Variants in NFIA observed in about 807,000 individuals in gnomAD.
NFIA encodes nuclear factor 1 A-type.
NFIA carries 8 observed loss-of-function variants against 62.8 expected under a neutral mutation model. The observed-to-expected ratio is 0.13, with a 90% CI of 0.07 to 0.23. NFIA has a LOEUF of 0.23. Ranked by LOEUF, NFIA falls within the 10% of genes least tolerant of loss-of-function variation. The pLI is 1.00. For missense variants in NFIA, 410 were observed against 642.1 expected, an observed-to-expected ratio of 0.64 and a Z score of 3.91; for synonymous variants, 235 against 238.1, an observed-to-expected ratio of 0.99 and a Z score of 0.12.
At position 61,137,601 on chromosome 1, in the gene NFIA, A is replaced by G. The variant is rs535304023; in HGVS notation, c.559+48921A>G. Among the ~76,000 whole-genome samples the G allele has an allele frequency of 5.5e-4, 83 of 152,206 alleles. 1 individual carries two copies. Among genetic ancestry groups the G allele is most frequent in the African/African-American group, 1.9e-3 (79 of 41,512 alleles). ...CATTGCTTTCAGACTCTGGTTCTCA[A>G]CCTTGGCTGCCCATTTAGAATCACC... On this transcript the variant is annotated intron_variant, in intron 2 of 10. Coordinates refer to ENST00000403491, the MANE Select transcript of NFIA (RefSeq NM_001134673.4).
At chr1:61,429,592 A>C (rs1408554753) in intron 10 of NFIA, among the ~76,000 whole-genome samples, 1 of 152,244 alleles carries the variant, frequency 6.6e-6, no homozygotes, top group Non-Finnish European at 1.5e-5. Flanking sequence ...TGGCAAGCAA[A>C]GTTTCAAAGA....
chr1:61,431,494 G>A (rs1288877377), intron 10 of NFIA, among the ~76,000 whole-genome samples: 1 of 152,218 alleles, frequency 6.6e-6, no homozygotes, highest in South Asian at 2.1e-4. Context: ...TACCCAAAAT[G>A]CTATTTAAAA....
intron 2 of NFIA, among the ~76,000 whole-genome samples, chr1:61,214,385 T>C (rs333149): frequency 0.38 from 57,436 of 151,736 alleles, 11,711 homozygotes; most frequent in African/African-American, 0.53. Context: ...ACATAGAATC[T>C]CAATGATGGG....
intron 2 of NFIA, among the ~76,000 whole-genome samples, chr1:61,173,801 C>T (rs934907734): frequency 3.9e-5 from 6 of 152,134 alleles, no homozygotes; most frequent in Non-Finnish European, 7.3e-5. Context: ...GTCAGCATAG[C>T]CCTGCCCATT....
At chr1:61,335,456 C>T (rs1243439551) in intron 4 of NFIA, among the ~76,000 whole-genome samples, 1 of 152,198 alleles carries the variant, frequency 6.6e-6, no homozygotes, top group East Asian at 1.9e-4. Flanking sequence ...CTTGTTCCCC[C>T]ATGTGGGAAA....
intron 3 of NFIA, among the ~76,000 whole-genome samples, chr1:61,329,039 T>C (rs1661127051): frequency 6.8e-6 from 1 of 147,104 alleles, no homozygotes; most frequent in African/African-American, 2.5e-5. Flanking sequence ...TATAATTTTT[T>C]TCTTTTTTTC....
intron 2 of NFIA, among the ~76,000 whole-genome samples, chr1:61,121,146 A>AATAGCT (rs1206815655): frequency 6.6e-6 from 1 of 152,194 alleles, no homozygotes; most frequent in Non-Finnish European, 1.5e-5. Context: ...CAAATGATGC[A>AATAGCT]ATAGCTAAAT....
chr1:61,199,144 G>T (rs1189482318), intron 2 of NFIA, among the ~76,000 whole-genome samples: 2 of 152,184 alleles, frequency 1.3e-5, no homozygotes, highest in Admixed American at 6.5e-5. Flanking sequence ...GTTTCCAGTG[G>T]TTCATACAGA....
intron 2 of NFIA, among the ~76,000 whole-genome samples, chr1:61,090,232 A>G (rs1361288753): frequency 3.3e-5 from 5 of 152,256 alleles, no homozygotes; most frequent in Admixed American, 6.5e-5. Context: ...CAAAAAAAGT[A>G]TAGGTGTTAC....
intron 2 of NFIA, among the ~76,000 whole-genome samples, chr1:61,268,027 A>G (rs1657281147): frequency 6.6e-6 from 1 of 152,236 alleles, no homozygotes; most frequent in East Asian, 1.9e-4. Flanking sequence ...GGGTAGGAGT[A>G]GTGGTATGAA....
intron 10 of NFIA, among the ~76,000 whole-genome samples, chr1:61,451,268 T>C (rs540411428): frequency 6.6e-6 from 1 of 152,308 alleles, no homozygotes; most frequent in Non-Finnish European, 1.5e-5. Context: ...GCAAGTGTGA[T>C]AAAACTCCTT....
At chr1:61,291,024 T>C (rs1425765720) in intron 3 of NFIA, among the ~76,000 whole-genome samples, 1 of 152,202 alleles carries the variant, frequency 6.6e-6, no homozygotes. Context: ...TTTGAGAAGC[T>C]GGCCTTATGA....
At chr1:61,185,529 C>G (rs1651107075) in intron 2 of NFIA, among the ~76,000 whole-genome samples, 6 of 152,092 alleles carry the variant, frequency 3.9e-5, no homozygotes, top group Admixed American at 3.9e-4. Context: ...GCGTAAGAAC[C>G]TCCAATGTTT....
rs578187725 is a variant in NFIA at position 61,243,551 on chromosome 1, G to GT, written c.560-33961dup. 7.9e-5 allele frequency among the ~76,000 whole-genome samples: 12 copies of GT among 151,732 alleles called. 1 individual carries two copies. The East Asian group carries it at 1.2e-3, about 15-fold the overall frequency. On this transcript the variant is annotated intron_variant, in intron 2 of 10. Transcript: ENST00000403491. ...CTGATTATTACTTGTCAATTTTGTT[G>GT]TTTTTTTTCTATTACATATTCATTG...
intron 2 of NFIA, among the ~76,000 whole-genome samples, chr1:61,135,075 C>G (rs974404519): frequency 6.6e-6 from 1 of 152,156 alleles, no homozygotes; most frequent in Non-Finnish European, 1.5e-5. Context: ...ATTCTTAAAT[C>G]TAAGAAACAA....
chr1:61,270,189 T>TG (rs1268447442), intron 2 of NFIA, among the ~76,000 whole-genome samples: 1 of 152,186 alleles, frequency 6.6e-6, no homozygotes, highest in Non-Finnish European at 1.5e-5. Flanking sequence ...ATGTACATTT[T>TG]GGGGGGCCTT....
At chr1:61,275,406 G>A (rs1193331053) in intron 2 of NFIA, among the ~76,000 whole-genome samples, 1 of 152,002 alleles carries the variant, frequency 6.6e-6, no homozygotes, top group African/African-American at 2.4e-5. Context: ...AAAAATTTAG[G>A]GTCTTTCCTG....
At position 61,243,840 on chromosome 1, in the gene NFIA, A is replaced by G. The variant is rs140240684; in HGVS notation, c.560-33680A>G. ...ATGAAAAAGCATAGTACTTTTTAGT[A>G]TTTTGAGAGAAACTTTATTCATTTT... On this transcript the variant is annotated intron_variant, in intron 2 of 10. Transcript: ENST00000403491. 2.0e-5 allele frequency among the ~76,000 whole-genome samples: 3 copies of G among 152,274 alleles called. No individual in the cohort carries two copies. The East Asian group carries it at 5.8e-4, about 29-fold the overall frequency.
At chr1:61,223,816 T>C (rs948781404) in intron 2 of NFIA, among the ~76,000 whole-genome samples, 2 of 152,138 alleles carry the variant, frequency 1.3e-5, no homozygotes, top group African/African-American at 4.8e-5. Context: ...CTAAATTCTA[T>C]TAACAAATAC....
Sources: allele counts gnomAD v4.1 joint callset (sites outside exome capture counted in the v4.1 genomes callset), GRCh38; gene constraint gnomAD v4.1.1; transcripts MANE v1.5; gene names NCBI Gene and HGNC (gene_info 2026-07-23, HGNC 2026-07-21).